Variants in PARP4 observed in about 807,000 individuals in gnomAD.
The protein encoded by PARP4 is poly(ADP-ribose) polymerase family member 4.
Under a neutral mutation model 187.7 loss-of-function variants are expected in PARP4, and 120 were observed. That is an observed-to-expected ratio of 0.64 (90% CI 0.55 to 0.74). The LOEUF (loss-of-function observed/expected upper bound fraction) is 0.74. Ranked by LOEUF, PARP4 falls within the 30% of genes least tolerant of loss-of-function variation. The pLI is 0.00. For missense variants in PARP4, 1,836 were observed against 2,070.5 expected (o/e 0.89, Z 2.20); for synonymous variants, 654 against 740.9 (o/e 0.88, Z 1.90).
chr13:24,449,868 A>C (rs746727939), intron 24 of PARP4, 51 bp from the exon 25 acceptor site: 3 of 1,143,392 alleles, frequency 2.6e-6, no homozygotes, highest in Admixed American at 1.8e-5. Context: ...AATATTTTTG[A>C]AGTACATGTT....
intron 22 of PARP4, among the ~76,000 whole-genome samples, chr13:24,454,811 C>T (rs952306908): frequency 3.3e-5 from 5 of 152,112 alleles, no homozygotes; most frequent in East Asian, 1.9e-4. Flanking sequence ...TCAAGTAGTG[C>T]GCCCAAGGTG....
At chr13:24,476,104 TTTAAAGACCCTTCAGC>T (rs923839016) in intron 14 of PARP4, among the ~76,000 whole-genome samples, 20 of 152,090 alleles carry the variant, frequency 1.3e-4, no homozygotes, top group African/African-American at 4.8e-4. Flanking sequence ...TTTTTTGTTT[TTTAAAGACCCTTCAGC>T]TTAAATTTTT....
At chr13:24,450,876 AT>A (rs113412617) in intron 24 of PARP4, among the ~76,000 whole-genome samples, 21 of 150,578 alleles carry the variant, frequency 1.4e-4, no homozygotes, top group Non-Finnish European at 2.1e-4. Flanking sequence ...ACATTTTTCA[AT>A]TTTTTTTTTA....
At chr13:24,455,505 A>ATATC (rs1240200576) in intron 21 of PARP4, among the ~76,000 whole-genome samples, 2 of 136,022 alleles carry the variant, frequency 1.5e-5, no homozygotes, top group East Asian at 2.0e-4. Flanking sequence ...ATATATATAT[A>ATATC]TCACACTATT....
At chr13:24,423,533 A>AAAAAAAAT in intron 33 of PARP4, among the ~76,000 whole-genome samples, 1 of 150,846 alleles carries the variant, frequency 6.6e-6, no homozygotes, top group South Asian at 2.1e-4. Context: ...CTGGCCTCAA[A>AAAAAAAAT]AAATAAATAA....
intron 1 of PARP4, among the ~76,000 whole-genome samples, chr13:24,512,221 A>G (rs1191944409): frequency 7.9e-5 from 12 of 152,216 alleles, no homozygotes; most frequent in Non-Finnish European, 1.2e-4. Context: ...GAGGTTTTCA[A>G]CTTTGGACCT....
Position 24,434,813 on chromosome 13 carries a change from G to A in PARP4, c.4328C>T (p.Thr1443Ile), listed in dbSNP as rs1211677781. 34 of 1,613,074 alleles carry A rather than the reference G, an allele frequency of 2.1e-5. No individual in the cohort carries two copies. Among genetic ancestry groups the A allele is most frequent in the Non-Finnish European group, 2.7e-5 (32 of 1,179,588 alleles). ...AAAACCTCTGATGGGATCAGGGTCTGTAGGAAGAGAGAAATGAAGCTGGGG... is the reference window on the plus strand; with the variant it reads ...AAAACCTCTGATGGGATCAGGGTCTATAGGAAGAGAGAAATGAAGCTGGGG... ...DSPQLHFSLP[T>I]DPDPIRGFGS... The change falls in exon 31 of 34, where the codon ACA becomes ATA. Residue 1443 changes from threonine (T) to isoleucine (I), a missense_variant. This residue lies in a region of PARP4 where 450 missense variants were observed against 439.2 expected (regional missense o/e 1.02). Transcript: ENST00000381989.
At chr13:24,440,765 T>C (rs1174610741) in intron 30 of PARP4, among the ~76,000 whole-genome samples, 1 of 152,232 alleles carries the variant, frequency 6.6e-6, no homozygotes, top group Non-Finnish European at 1.5e-5. Flanking sequence ...CTTTCAATCA[T>C]CTACCTTTTG....
chr13:24,463,183 T>C lies in PARP4; in HGVS notation c.2134-3047A>G, dbSNP rs542983408. On this transcript the variant is annotated intron_variant, in intron 17 of 33. Transcript: ENST00000381989. Reference sequence around the variant, plus strand: ...AGATGAACAACACAAGAATTAGAGCTGACTTCTGCTCAGAAACCATATAAG... The same window carrying C: ...AGATGAACAACACAAGAATTAGAGCCGACTTCTGCTCAGAAACCATATAAG... Among the ~76,000 whole-genome samples, 4 of 152,266 alleles carry C rather than the reference T, an allele frequency of 2.6e-5. No individual in the cohort carries two copies. The East Asian group carries it at 7.7e-4, about 29-fold the overall frequency.
chr13:24,423,638 C>T (rs1056337058), intron 33 of PARP4, among the ~76,000 whole-genome samples: 24 of 152,142 alleles, frequency 1.6e-4, no homozygotes, highest in Non-Finnish European at 2.6e-4. Flanking sequence ...GAAGGTATTG[C>T]TTTTTAAAAA....
intron 31 of PARP4, 54 bp downstream of exon 31, chr13:24,434,341 T>G: frequency 1.3e-6 from 2 of 1,501,176 alleles, no homozygotes; most frequent in Non-Finnish European, 1.8e-6. Flanking sequence ...AGGAGCCCCG[T>G]TCTAAACTAT....
At chr13:24,480,657 C>T (rs1483175473) in intron 12 of PARP4, among the ~76,000 whole-genome samples, 1 of 152,240 alleles carries the variant, frequency 6.6e-6, no homozygotes, top group Non-Finnish European at 1.5e-5. Context: ...AAACCAGCCA[C>T]AGCATTCTCT....
Position 24,502,134 on chromosome 13 carries a change from C to T in PARP4, c.133-300G>A, listed in dbSNP as rs752270067. Among the ~76,000 whole-genome samples, 6 of 152,240 alleles carry T rather than the reference C, an allele frequency of 3.9e-5. No individual in the cohort carries two copies. In the East Asian group the frequency reaches 1.2e-3, roughly 29 times the overall value. ...CTATCCTCATGTACACATCCTTGTG[C>T]ACTTGTTCAATTATTTTCTTAGTAG... On this transcript the variant is annotated intron_variant, in intron 2 of 33. Coordinates refer to ENST00000381989, the MANE Select transcript of PARP4 (RefSeq NM_006437.4).
chr13:24,505,469 G>A (rs961502700), intron 1 of PARP4, among the ~76,000 whole-genome samples: 7 of 152,122 alleles, frequency 4.6e-5, no homozygotes, highest in Admixed American at 1.3e-4. Flanking sequence ...GTCATGAGAG[G>A]GAAGTTTCTT....
chr13:24,430,632 CA>C (rs1870288806), intron 32 of PARP4, among the ~76,000 whole-genome samples: 1 of 151,858 alleles, frequency 6.6e-6, no homozygotes, highest in South Asian at 2.1e-4. Context: ...CCAGCCTGGG[CA>C]AGGGAGCCAG....
chr13:24,459,322 A>C lies in PARP4; in HGVS notation c.2299-12T>G. ...TTCTCTACTGTATCCTGTTAAAAGA[A>C]AAATACATTTGTATAACTAAGCATA... On this transcript the variant is annotated splice_polypyrimidine_tract_variant and intron_variant, in intron 18 of 33. Coordinates refer to ENST00000381989, the MANE Select transcript of PARP4 (RefSeq NM_006437.4). The C allele has an allele frequency of 6.5e-7, 1 of 1,535,758 alleles. No individual in the cohort carries two copies. Among genetic ancestry groups the C allele is most frequent in the Non-Finnish European group, 8.8e-7 (1 of 1,130,536 alleles).
chr13:24,447,576 G>A (rs1189450677), intron 25 of PARP4, among the ~76,000 whole-genome samples: 1 of 152,124 alleles, frequency 6.6e-6, no homozygotes, highest in Non-Finnish European at 1.5e-5. Context: ...GCCCAGGCTG[G>A]TCTCGAACTC....
chr13:24,505,771 A>G (rs1160583876), intron 1 of PARP4, among the ~76,000 whole-genome samples: 1 of 152,186 alleles, frequency 6.6e-6, no homozygotes, highest in Admixed American at 6.5e-5. Context: ...AAAAACAAGG[A>G]GTCACGTCTA....
chr13:24,445,997 G>A (rs1409156313), intron 27 of PARP4, among the ~76,000 whole-genome samples: 1 of 152,192 alleles, frequency 6.6e-6, no homozygotes, highest in Admixed American at 6.5e-5. Flanking sequence ...CAGAAATGGT[G>A]TATTTGGGAA....
Sources: allele counts gnomAD v4.1 joint callset (sites outside exome capture counted in the v4.1 genomes callset), GRCh38; gene constraint gnomAD v4.1.1; regional missense constraint gnomAD v4.1.1; transcripts MANE v1.5; gene names NCBI Gene and HGNC (gene_info 2026-07-23, HGNC 2026-07-21).